The following SLC17A3 variants were observed in gnomAD, a reference collection of about 807,000 sequenced individuals.
SLC17A3 encodes solute carrier family 17 member 3, also known as sodium-dependent phosphate transport protein 4.
A neutral mutation model predicts 60.3 loss-of-function variants in SLC17A3; 61 were observed. The observed-to-expected ratio is 1.01, with a 90% CI of 0.82 to 1.25. The LOEUF (loss-of-function observed/expected upper bound fraction) is 1.25. SLC17A3 is among the 50% of genes most tolerant of loss of function. The probability of loss-of-function intolerance (pLI) is 0.00; values close to 1 mark genes in which losing one functional copy is unlikely to be tolerated. For missense variants in SLC17A3, 624 were observed against 594.9 expected, an observed-to-expected ratio of 1.05 and a Z score of -0.51; for synonymous variants, 192 against 208.9, an observed-to-expected ratio of 0.92 and a Z score of 0.70.
chr6:25,867,882 G>A (rs1275113558), intron 2 of SLC17A3, among the ~76,000 whole-genome samples: 1 of 151,432 alleles, frequency 6.6e-6, no homozygotes, highest in Non-Finnish European at 1.5e-5. Context: ...CAAAATAAAG[G>A]CAATAAAATT....
At chr6:25,872,456 G>A (rs1303935927) in intron 1 of SLC17A3, among the ~76,000 whole-genome samples, 1 of 150,980 alleles carries the variant, frequency 6.6e-6, no homozygotes, top group Admixed American at 6.6e-5. Context: ...GTGTGGGTGT[G>A]TTTGTATGTA....
At chr6:25,865,707 A>G (rs1765522321) in intron 2 of SLC17A3, among the ~76,000 whole-genome samples, 1 of 151,960 alleles carries the variant, frequency 6.6e-6, no homozygotes, top group Non-Finnish European at 1.5e-5. Context: ...GTGTCCTTAA[A>G]AGTTATTTGT....
At chr6:25,853,948 C>T (rs982369139) in intron 6 of SLC17A3, among the ~76,000 whole-genome samples, 1 of 151,994 alleles carries the variant, frequency 6.6e-6, no homozygotes, top group East Asian at 1.9e-4. Context: ...AACTTTCCCT[C>T]GTGTCTTTTT....
At chr6:25,860,460 A>G (rs1165167) in intron 5 of SLC17A3, among the ~76,000 whole-genome samples, 36,911 of 151,984 alleles carry the variant, frequency 0.24, 4,659 homozygotes, top group African/African-American at 0.29. Context: ...GGCAATTTCT[A>G]TAAGATCTAC....
In SLC17A3 at chr6:25,851,893, T is replaced by C. The variant is rs73735493; in HGVS notation, c.713-1016A>G. ...CTATTCTAAAATCTTTGCATTTCCA[T>C]AAAAATTTAGTTTTCAGTGCACAGC... is the stretch of plus-strand genomic sequence containing the variant. On this transcript the variant is annotated intron_variant, in intron 6 of 12. Coordinates refer to ENST00000397060, the MANE Select transcript of SLC17A3 (RefSeq NM_001098486.2). Among the ~76,000 whole-genome samples the C allele has an allele frequency of 5.8e-3, 881 of 152,296 alleles. 7 individuals carry two copies. Among genetic ancestry groups the C allele is most frequent in the African/African-American group, 0.019 (787 of 41,586 alleles).
Position 25,850,474 on chromosome 6 carries a change from A to G in SLC17A3, c.978T>C (p.His326=). The part of the protein sequence containing the change: ...YIPTYISSVY[H]VNIRDNGLLS... ...ACATACTCACGTCTCTGATGTTAAC[A>G]TGGTACACAGAGCTGATGTAAGTTG... The change falls in exon 8 of 13, where the codon CAT becomes CAC. Residue 326 remains histidine (H), a synonymous_variant. Transcript: ENST00000397060. 1 of 1,613,918 alleles carries G rather than the reference A, an allele frequency of 6.2e-7. No individual in the cohort carries two copies. The highest frequency in any genetic ancestry group is 8.5e-7 in the Non-Finnish European group (1 of 1,179,838).
At chr6:25,871,797 A>G (rs982906501) in intron 1 of SLC17A3, among the ~76,000 whole-genome samples, 1 of 152,068 alleles carries the variant, frequency 6.6e-6, no homozygotes, top group Non-Finnish European at 1.5e-5. Flanking sequence ...GATGGGAAGG[A>G]TGGTTGGCTT....
chr6:25,872,798 A>G (rs971629116), intron 1 of SLC17A3, among the ~76,000 whole-genome samples: 1 of 151,914 alleles, frequency 6.6e-6, no homozygotes, highest in Admixed American at 6.6e-5. Context: ...CTCCACAGAC[A>G]GGTCAACGTC....
At position 25,864,654 on chromosome 6, in the gene SLC17A3, G is replaced by T. The variant is rs1184498; in HGVS notation, c.92-2210C>A. Among the ~76,000 whole-genome samples, 1,218 of 151,882 alleles carry T rather than the reference G, an allele frequency of 8.0e-3. 10 individuals are homozygous for T. The highest frequency in any genetic ancestry group is 0.013 in the East Asian group (68 of 5,146). On this transcript the variant is annotated intron_variant, in intron 2 of 12. Coordinates refer to ENST00000397060, the MANE Select transcript of SLC17A3 (RefSeq NM_001098486.2). Reference sequence around the variant, plus strand: ...TTGGAAGGAGCAGGTTTGTAAGGTAGGGTGGTCAAGAGCTTCCTACTGGAC... The same window carrying T: ...TTGGAAGGAGCAGGTTTGTAAGGTATGGTGGTCAAGAGCTTCCTACTGGAC...
intron 2 of SLC17A3, among the ~76,000 whole-genome samples, chr6:25,863,972 C>A (rs537080158): frequency 6.6e-6 from 1 of 152,078 alleles, no homozygotes; most frequent in African/African-American, 2.4e-5. Flanking sequence ...ATATGAAACA[C>A]AAACAGTAAA....
intron 11 of SLC17A3, among the ~76,000 whole-genome samples, chr6:25,847,149 T>A (rs1190370031): frequency 2.6e-5 from 4 of 152,154 alleles, no homozygotes; most frequent in Admixed American, 2.6e-4. Flanking sequence ...TCCTTTGTCT[T>A]CTACTTATAA....
intron 8 of SLC17A3, 47 bp downstream of exon 8, chr6:25,850,412 G>A: frequency 6.4e-7 from 1 of 1,559,368 alleles, no homozygotes; most frequent in Non-Finnish European, 8.8e-7. Flanking sequence ...CAGAGTAATT[G>A]GTCAGCCATG....
chr6:25,861,626 G>T lies in SLC17A3; in HGVS notation c.623C>A (p.Ser208Ter). ...CCATTTGGATTACATGTCCTTACCT[G>T]ATAAAGCAATGCTGCAGAGTCTGCT... ...ERSRLCSIAL[S>*]GMLLGCFTAI... Residue 208 changes from serine to a stop codon, truncating the protein, a stop_gained and splice_region_variant, in exon 5 of 13, where the codon TCA becomes TAA. Coordinates refer to ENST00000397060, the MANE Select transcript of SLC17A3 (RefSeq NM_001098486.2). LOFTEE classifies it high-confidence loss of function. 1 of 1,613,626 alleles carries T rather than the reference G, an allele frequency of 6.2e-7. No homozygotes were observed. The highest frequency in any genetic ancestry group is 2.2e-5 in the East Asian group (1 of 44,882).
chr6:25,868,502 GA>G, intron 1 of SLC17A3, 82 bp from the exon 2 acceptor site: 14 of 932,106 alleles, frequency 1.5e-5, no homozygotes, highest in Non-Finnish European at 1.7e-5. Context: ...GGGCACCAAG[GA>G]AAAAAAAGCT....
Position 25,862,420 on chromosome 6 carries a change from T to G in SLC17A3, c.116A>C (p.Tyr39Ser). ...GAAATGTAAGACGAGGGCTATTCCA[T>G]AGCGAGCAGAACATAAACTTGGAAC... is the stretch of plus-strand genomic sequence containing the variant. The part of the protein sequence containing the change: ...RKVPSLCSAR[Y>S]GIALVLHFCN... The change falls in exon 3 of 13, where the codon TAT (tyrosine) becomes TCT (serine). Residue 39 changes from tyrosine (Y) to serine (S), a missense_variant. Physicochemically the swap from Tyr to Ser is moderately radical, Grantham distance 144 (BLOSUM62 -2). Coordinates refer to ENST00000397060, the MANE Select transcript of SLC17A3 (RefSeq NM_001098486.2). 3 of 1,613,468 alleles carry G rather than the reference T, an allele frequency of 1.9e-6. No individual in the cohort carries two copies. The highest frequency in any genetic ancestry group is 2.5e-6 in the Non-Finnish European group (3 of 1,179,476).
At chr6:25,864,165 G>A (rs1051223484) in intron 2 of SLC17A3, among the ~76,000 whole-genome samples, 3 of 151,832 alleles carry the variant, frequency 2.0e-5, no homozygotes, top group African/African-American at 7.3e-5. Context: ...CAAAAAGAGG[G>A]GATTATGACA....
At chr6:25,872,113 A>T (rs952454706) in intron 1 of SLC17A3, among the ~76,000 whole-genome samples, 2 of 151,194 alleles carry the variant, frequency 1.3e-5, no homozygotes, top group African/African-American at 2.4e-5. Flanking sequence ...GAGTTCAATT[A>T]ATTATATTTT....
chr6:25,845,198 C>G lies in SLC17A3; in HGVS notation c.*103G>C, dbSNP rs1167379667. 2 of 541,482 alleles carry G rather than the reference C, an allele frequency of 3.7e-6. No individual in the cohort carries two copies. The highest frequency in any genetic ancestry group is 6.1e-6 in the Non-Finnish European group (2 of 330,364). The allele number at this position is 541,482 out of a possible 1,614,324, so 33.5% of individuals were successfully genotyped here. ...GAACTGATCTCATAATTGAAAAGAG[C>G]CACAGGAAAAAAAAAATCTTTTCAC... On this transcript the variant is annotated 3_prime_UTR_variant, in exon 13 of 13. Coordinates refer to ENST00000397060, the MANE Select transcript of SLC17A3 (RefSeq NM_001098486.2).
intron 11 of SLC17A3, among the ~76,000 whole-genome samples, chr6:25,846,766 A>T (rs570807451): frequency 1.7e-4 from 26 of 152,138 alleles, no homozygotes; most frequent in African/African-American, 5.3e-4. Context: ...ATGCACCACC[A>T]CATCCGGCTA....
Sources: allele counts gnomAD v4.1 joint callset (sites outside exome capture counted in the v4.1 genomes callset), GRCh38; gene constraint gnomAD v4.1.1; transcripts MANE v1.5; gene names NCBI Gene and HGNC (gene_info 2026-07-23, HGNC 2026-07-21).